The following FOXK1 variants were observed in gnomAD, a reference collection of about 807,000 sequenced individuals.
The protein encoded by FOXK1 is forkhead box protein K1.
Under a neutral mutation model 51.9 loss-of-function variants are expected in FOXK1, and 19 were observed. The ratio of observed to expected loss-of-function variants is 0.37; its 90% CI spans 0.26 to 0.54. The LOEUF (loss-of-function observed/expected upper bound fraction) is 0.54. FOXK1 is among the 20% of genes least tolerant of loss of function. FOXK1 has a pLI of 0.87. For missense variants in FOXK1, 870 were observed against 1,032.7 expected (o/e 0.84, Z 2.16); for synonymous variants, 537 against 482.6 (o/e 1.11, Z -1.48).
chr7:4,702,227 C>A (rs1391625506), intron 1 of FOXK1, among the ~76,000 whole-genome samples: 1 of 152,194 alleles, frequency 6.6e-6, no homozygotes, highest in African/African-American at 2.4e-5. Context: ...CCTTCCCCTC[C>A]CGTTTCTGTC....
chr7:4,762,053 C>A lies in FOXK1; in HGVS notation c.1922-131C>A. 2.8e-6 allele frequency: 3 copies of A among 1,067,646 alleles called. No individual in the cohort carries two copies. Among genetic ancestry groups the A allele is most frequent in the Non-Finnish European group, 4.0e-6 (3 of 750,990 alleles). The allele number at this position is 1,067,646 out of a possible 1,614,324, so 66.1% of individuals were successfully genotyped here. ...CCCGCAGGGAGCAGAGCAAGGGTAG[C>A]CGTCCTGCCTGGCAGGGGTGCACTG... On this transcript the variant is annotated intron_variant, in intron 8 of 8. Transcript: ENST00000328914. The surrounding 1 kb of genome is among the most constrained non-coding windows in gnomAD (Gnocchi z 5.7).
chr7:4,712,838 T>C lies in FOXK1; in HGVS notation c.561-28000T>C, dbSNP rs189383731. On this transcript the variant is annotated intron_variant, in intron 1 of 8. Coordinates refer to ENST00000328914, the MANE Select transcript of FOXK1 (RefSeq NM_001037165.2). Reference sequence around the variant, plus strand: ...GGTTTATTGACACACAGCGGCGTGATGAGGATGGAGTGGTAGGGGATGAAT... The same window carrying C: ...GGTTTATTGACACACAGCGGCGTGACGAGGATGGAGTGGTAGGGGATGAAT... 1.5e-3 allele frequency among the ~76,000 whole-genome samples: 223 copies of C among 152,314 alleles called. 1 individual carries two copies. Among genetic ancestry groups the C allele is most frequent in the Non-Finnish European group, 2.5e-3 (170 of 68,028 alleles).
chr7:4,747,403 C>T lies in FOXK1; in HGVS notation c.746+6380C>T, dbSNP rs543671225. ...GTGAGGTCTATGCCTAACATGAGAG[C>T]AGCTCCTGTTGAAGCCACCATGCTG... is the stretch of plus-strand genomic sequence containing the variant. On this transcript the variant is annotated intron_variant, in intron 2 of 8. Transcript: ENST00000328914. This position sits in a 1 kb window ranked among gnomAD's most constrained non-coding sequence, Gnocchi z 9.2. Among the ~76,000 whole-genome samples the T allele has an allele frequency of 6.6e-6, 1 of 152,372 alleles. No homozygotes were observed. Among genetic ancestry groups the T allele is most frequent in the East Asian group, 1.9e-4 (1 of 5,188 alleles).
chr7:4,716,375 A>C (rs1233429696), intron 1 of FOXK1, among the ~76,000 whole-genome samples: 1 of 152,162 alleles, frequency 6.6e-6, no homozygotes, highest in Non-Finnish European at 1.5e-5. Context: ...ATGTGGTGGC[A>C]TGCACCCATA....
chr7:4,737,086 GA>G (rs999703079), intron 1 of FOXK1, among the ~76,000 whole-genome samples: 1 of 151,700 alleles, frequency 6.6e-6, no homozygotes, highest in Admixed American at 6.6e-5. Flanking sequence ...AATGTCTTAC[GA>G]AAAAACACCT....
chr7:4,723,405 G>A lies in FOXK1; in HGVS notation c.561-17433G>A, dbSNP rs542037691. On this transcript the variant is annotated intron_variant, in intron 1 of 8. Coordinates refer to ENST00000328914, the MANE Select transcript of FOXK1 (RefSeq NM_001037165.2). This position sits in a 1 kb window ranked among gnomAD's most constrained non-coding sequence, Gnocchi z 4.7. Reference sequence around the variant, plus strand: ...TTTCTGTGGGGTTTTTTTTTTGGACGTTCCCAGCTGACTAAATTTGCCTTC... The same window carrying A: ...TTTCTGTGGGGTTTTTTTTTTGGACATTCCCAGCTGACTAAATTTGCCTTC... Among the ~76,000 whole-genome samples, 9 of 151,600 alleles carry A rather than the reference G, an allele frequency of 5.9e-5. No homozygotes were observed. The East Asian group carries it at 9.7e-4, about 16-fold the overall frequency.
Position 4,756,701 on chromosome 7 carries a change from C to T in FOXK1, c.1051-293C>T, listed in dbSNP as rs1226808868. On this transcript the variant is annotated intron_variant, in intron 4 of 8. Transcript: ENST00000328914. The surrounding 1 kb of genome is among the most constrained non-coding windows in gnomAD (Gnocchi z 4.1). ...AATCCCTTGAACCCGGGAGGCGGAACTTGCAGTGAGCCGAGATCGTGCCAC... is the reference window on the plus strand; with the variant it reads ...AATCCCTTGAACCCGGGAGGCGGAATTTGCAGTGAGCCGAGATCGTGCCAC... 6.6e-6 allele frequency among the ~76,000 whole-genome samples: 1 copy of T among 151,376 alleles called. No individual in the cohort carries two copies. The highest frequency in any genetic ancestry group is 1.5e-5 in the Non-Finnish European group (1 of 67,896).
At position 4,748,173 on chromosome 7, in the gene FOXK1, A is replaced by G. The variant is rs1247064131; in HGVS notation, c.747-6286A>G. ...TCTATATGCATCTTACAAAATGCAA[A>G]CATTTCAGAAAGTGAAAATTCCCCC... On this transcript the variant is annotated intron_variant, in intron 2 of 8. Transcript: ENST00000328914. The surrounding 1 kb of genome is among the most constrained non-coding windows in gnomAD (Gnocchi z 4.9). Among the ~76,000 whole-genome samples the G allele has an allele frequency of 6.6e-6, 1 of 152,152 alleles. No homozygotes were observed. Among genetic ancestry groups the G allele is most frequent in the Non-Finnish European group, 1.5e-5 (1 of 68,036 alleles).
At chr7:4,727,606 G>T (rs577028954) in intron 1 of FOXK1, among the ~76,000 whole-genome samples, 2 of 152,146 alleles carry the variant, frequency 1.3e-5, no homozygotes, top group Non-Finnish European at 2.9e-5. Context: ...TAGCCACGGC[G>T]CCCGGCCTGA....
Position 4,731,508 on chromosome 7 carries a change from C to T in FOXK1, c.561-9330C>T, listed in dbSNP as rs1780475838. On this transcript the variant is annotated intron_variant, in intron 1 of 8. Transcript: ENST00000328914. This position sits in a 1 kb window ranked among gnomAD's most constrained non-coding sequence, Gnocchi z 5.3. ...GGCACAGTGGCTCACGCCTGTAATCCCAGCACTTTGGGAGGCCAAAGCGGG... is the reference window on the plus strand; with the variant it reads ...GGCACAGTGGCTCACGCCTGTAATCTCAGCACTTTGGGAGGCCAAAGCGGG... Among the ~76,000 whole-genome samples the T allele has an allele frequency of 1.3e-5, 2 of 152,174 alleles. No homozygotes were observed. Among genetic ancestry groups the T allele is most frequent in the African/African-American group, 4.8e-5 (2 of 41,446 alleles).
At position 4,734,142 on chromosome 7, in the gene FOXK1, C is replaced by T. The variant is rs1780520602; in HGVS notation, c.561-6696C>T. ...CGCCCAGCTCCTAGAAGACACGCGA[C>T]TCCACAGCAGTTAGGAGACAGCAGA... On this transcript the variant is annotated intron_variant, in intron 1 of 8. Coordinates refer to ENST00000328914, the MANE Select transcript of FOXK1 (RefSeq NM_001037165.2). The surrounding 1 kb of genome is among the most constrained non-coding windows in gnomAD (Gnocchi z 5.2). Among the ~76,000 whole-genome samples, 1 of 152,208 alleles carries T rather than the reference C, an allele frequency of 6.6e-6. No individual in the cohort carries two copies. The highest frequency in any genetic ancestry group is 2.1e-4 in the South Asian group (1 of 4,834).
intron 2 of FOXK1, 84 bp downstream of exon 2, chr7:4,741,107 C>A (rs1185533742): frequency 3.0e-6 from 3 of 991,600 alleles, no homozygotes; most frequent in Non-Finnish European, 4.2e-6. Context: ...GCACCGGGTT[C>A]CAAATCTCTC....
chr7:4,762,164 CTCT>C lies in FOXK1; in HGVS notation c.1922-14_1922-12del, dbSNP rs1780940762. The C allele has an allele frequency of 1.3e-6, 2 of 1,539,518 alleles. No individual in the cohort carries two copies. The highest frequency in any genetic ancestry group is 1.2e-5 in the South Asian group (1 of 83,088). ...GTCCTAACCAGACCCCAGAGTAACC[CTCT>C]TCTTCCTCCACTCCAGCCCTCACCA... On this transcript the variant is annotated splice_polypyrimidine_tract_variant and intron_variant, in intron 8 of 8. Transcript: ENST00000328914. This position sits in a 1 kb window ranked among gnomAD's most constrained non-coding sequence, Gnocchi z 5.7.
rs1468508158 is a variant in FOXK1 at position 4,770,214 on chromosome 7, T to G, written c.*7750T>G. On this transcript the variant is annotated 3_prime_UTR_variant, in exon 9 of 9. Transcript: ENST00000328914. ...AGGTTAACTGGTCCAGATTTTTTTT[T>G]TTTAATCAGTAACAATGGGAATTTA... 6.6e-6 allele frequency: 1 copy of G among 152,194 alleles called. No homozygotes were observed. The highest frequency in any genetic ancestry group is 1.5e-5 in the Non-Finnish European group (1 of 68,042). 9.4% of individuals were successfully genotyped at this position (152,194 alleles called of 1,614,324 possible). A position where few individuals can be genotyped will look rare whatever the true frequency, so the allele number is the denominator to read the frequency against.
In FOXK1 at chr7:4,747,138, G is replaced by A. The variant is rs183157229; in HGVS notation, c.746+6115G>A. On this transcript the variant is annotated intron_variant, in intron 2 of 8. Coordinates refer to ENST00000328914, the MANE Select transcript of FOXK1 (RefSeq NM_001037165.2). The surrounding 1 kb of genome is among the most constrained non-coding windows in gnomAD (Gnocchi z 9.2). ...GTTGAAAGGACATCCCCACGCCCGC[G>A]TTTCCTGTAATCTCGGAGGGTCCTA... 1.0e-3 allele frequency among the ~76,000 whole-genome samples: 154 copies of A among 152,338 alleles called. 2 individuals are homozygous for A. The highest frequency in any genetic ancestry group is 3.9e-3 in the East Asian group (20 of 5,184).
rs1449224589 is a variant in FOXK1, at chr7:4,758,295, C to G, written c.1245-756C>G. On this transcript the variant is annotated intron_variant, in intron 5 of 8. Transcript: ENST00000328914. The surrounding 1 kb of genome is among the most constrained non-coding windows in gnomAD (Gnocchi z 4.4). ...CTGCTGCGTCAGGGCCTCCCCTGCCCAGCTCAGTCTTGGCCAAGCCCAGTC... is the reference window on the plus strand; with the variant it reads ...CTGCTGCGTCAGGGCCTCCCCTGCCGAGCTCAGTCTTGGCCAAGCCCAGTC... 1.3e-5 allele frequency: 2 copies of G among 152,312 alleles called. No individual in the cohort carries two copies. The highest frequency in any genetic ancestry group is 4.8e-5 in the African/African-American group (2 of 41,462). The allele number at this position is 152,312 out of a possible 1,614,324, so 9.4% of individuals were successfully genotyped here.
chr7:4,751,870 C>T lies in FOXK1; in HGVS notation c.747-2589C>T, dbSNP rs372826179. On this transcript the variant is annotated intron_variant, in intron 2 of 8. Coordinates refer to ENST00000328914, the MANE Select transcript of FOXK1 (RefSeq NM_001037165.2). ...ACCCTACTCTCTCGCCTGTGGGAGC[C>T]AGGCTTCGCCAACCTTTCTTATTTC... Among the ~76,000 whole-genome samples, 68 of 152,372 alleles carry T rather than the reference C, an allele frequency of 4.5e-4. No individual in the cohort carries two copies. The East Asian group carries it at 7.7e-3, about 17-fold the overall frequency.
rs1397501272 is a variant in FOXK1 at position 4,768,710 on chromosome 7, C to T, written c.*6246C>T. 1 of 152,676 alleles carries T rather than the reference C, an allele frequency of 6.5e-6. No individual in the cohort carries two copies. Among genetic ancestry groups the T allele is most frequent in the Non-Finnish European group, 1.5e-5 (1 of 68,444 alleles). The allele number at this position is 152,676 out of a possible 1,614,324, so 9.5% of individuals were successfully genotyped here. On this transcript the variant is annotated 3_prime_UTR_variant, in exon 9 of 9. Transcript: ENST00000328914. ...CTTTTCCTGGAGGTGGGTGAGAAGG[C>T]TCTCCGGGCAAATCAGAAGGCCACG...
Position 4,730,106 on chromosome 7 carries a change from C to G in FOXK1, c.561-10732C>G, listed in dbSNP as rs972308482. Among the ~76,000 whole-genome samples, 5 of 152,228 alleles carry G rather than the reference C, an allele frequency of 3.3e-5. No homozygotes were observed. The highest frequency in any genetic ancestry group is 2.4e-5 in the African/African-American group (1 of 41,448). ...CATATGGGCTTGAGTATCTCGCTGTCTTTTCTTTTTCCAAATAGGACATGC... is the reference window on the plus strand; with the variant it reads ...CATATGGGCTTGAGTATCTCGCTGTGTTTTCTTTTTCCAAATAGGACATGC... On this transcript the variant is annotated intron_variant, in intron 1 of 8. Transcript: ENST00000328914. The surrounding 1 kb of genome is among the most constrained non-coding windows in gnomAD (Gnocchi z 4.7).
Sources: allele counts gnomAD v4.1 joint callset (sites outside exome capture counted in the v4.1 genomes callset), GRCh38; gene constraint gnomAD v4.1.1; non-coding constraint Gnocchi (gnomAD v3.1); transcripts MANE v1.5; gene names NCBI Gene and HGNC (gene_info 2026-07-23, HGNC 2026-07-21).